Variants in RNF19B observed in about 807,000 individuals in gnomAD.
RNF19B encodes E3 ubiquitin-protein ligase RNF19B.
A neutral mutation model predicts 65.5 loss-of-function variants in RNF19B; 23 were observed. The ratio of observed to expected loss-of-function variants is 0.35; its 90% CI spans 0.25 to 0.50. RNF19B has a LOEUF of 0.50. RNF19B is among the 20% of genes least tolerant of loss of function. RNF19B has a pLI of 0.98. For missense variants in RNF19B, 794 were observed against 980.0 expected (o/e 0.81, Z 2.53); for synonymous variants, 372 against 379.6 (o/e 0.98, Z 0.23).
intron 1 of RNF19B, among the ~76,000 whole-genome samples, chr1:32,952,246 AAT>A (rs1642517969): frequency 6.6e-6 from 1 of 151,850 alleles, no homozygotes; most frequent in Admixed American, 6.6e-5. Context: ...ATTAATTCCA[AAT>A]ATGTCAATTA....
chr1:32,945,380 T>G, intron 5 of RNF19B, 134 bp downstream of exon 5: 1 of 544,288 alleles, frequency 1.8e-6, no homozygotes, highest in Non-Finnish European at 3.4e-6. Flanking sequence ...ATCATAATCA[T>G]GGTGCCTAAC....
At chr1:32,953,896 C>T (rs934657931) in intron 1 of RNF19B, among the ~76,000 whole-genome samples, 1 of 149,390 alleles carries the variant, frequency 6.7e-6, no homozygotes, top group Non-Finnish European at 1.5e-5. Context: ...CCCCAGCCCC[C>T]ACTTCTTTTT....
chr1:32,935,032 A>G (rs184074702), downstream of RNF19B, among the ~76,000 whole-genome samples: 990 of 151,580 alleles, frequency 6.5e-3, 9 homozygotes, highest in Non-Finnish European at 0.011. Context: ...GGGTTTCACC[A>G]TGTTGGCCAG....
At chr1:32,962,180 G>T (rs926778455) in intron 1 of RNF19B, among the ~76,000 whole-genome samples, 8 of 152,116 alleles carry the variant, frequency 5.3e-5, no homozygotes, top group Non-Finnish European at 8.8e-5. Flanking sequence ...TGTTGGCCAG[G>T]CTGGTCTTGA....
intron 6 of RNF19B, 42 bp downstream of exon 6, chr1:32,943,977 T>C: frequency 1.3e-6 from 2 of 1,572,614 alleles, no homozygotes; most frequent in Non-Finnish European, 1.7e-6. Context: ...TTTTATCTTG[T>C]ATATCATAAA....
intron 1 of RNF19B, among the ~76,000 whole-genome samples, chr1:32,963,803 G>A (rs1270890028): frequency 6.6e-6 from 1 of 151,588 alleles, no homozygotes; most frequent in Non-Finnish European, 1.5e-5. Flanking sequence ...GCCTCTCCCT[G>A]TCTCCTAACT....
At chr1:32,950,024 C>G (rs988755515) in intron 1 of RNF19B, among the ~76,000 whole-genome samples, 2 of 151,862 alleles carry the variant, frequency 1.3e-5, no homozygotes, top group African/African-American at 4.8e-5. Flanking sequence ...TTGTGGAGTG[C>G]AGTGGTGTAA....
intron 2 of RNF19B, 115 bp downstream of exon 2, chr1:32,949,454 C>G (rs1315183916): frequency 1.3e-6 from 1 of 759,394 alleles, no homozygotes; most frequent in African/African-American, 1.8e-5. Flanking sequence ...ATGATATTTT[C>G]TGCTCTCTGA....
chr1:32,946,418 A>G lies in RNF19B; in HGVS notation c.1130T>C (p.Val377Ala). The G allele has an allele frequency of 1.2e-6, 2 of 1,613,928 alleles. No homozygotes were observed. Among genetic ancestry groups the G allele is most frequent in the East Asian group, 4.5e-5 (2 of 44,868 alleles). ...CTTTCTTACCTTCCTTCCAACATAA[A>G]CAGGAATGCCAATGACCATGGCAGG... ...AIPAMVIGIPVYVGRKIHSRY... is the reference protein window; with the variant it reads ...AIPAMVIGIPAYVGRKIHSRY... Residue 377 changes from valine (V) to alanine (A), a missense_variant, in exon 4 of 9, where the codon GTT (valine) becomes GCT (alanine). Physicochemically the swap from Val to Ala is moderately conservative, Grantham distance 64. Coordinates refer to ENST00000235150, the MANE Select transcript of RNF19B (RefSeq NM_001300826.2).
Position 32,954,131 on chromosome 1 carries a change from G to A in RNF19B, c.636-4357C>T, listed in dbSNP as rs185751970. Among the ~76,000 whole-genome samples the A allele has an allele frequency of 1.5e-3, 222 of 150,330 alleles. 1 individual carries two copies. Among genetic ancestry groups the A allele is most frequent in the African/African-American group, 5.1e-3 (211 of 40,996 alleles). The stretch of plus-strand genomic sequence containing the variant: ...TCACCATGTTGGCCAGGCTGGTCTC[G>A]AACTCCTGGCCTTCAAGTGATCCTC... On this transcript the variant is annotated intron_variant, in intron 1 of 8. Transcript: ENST00000235150.
chr1:32,930,727 A>G, the RNF19B span, among the ~76,000 whole-genome samples: 2 of 152,120 alleles, frequency 1.3e-5, no homozygotes, highest in Non-Finnish European at 1.5e-5. Flanking sequence ...CTAATTCTAC[A>G]CTAAGGAATT....
intron 1 of RNF19B, among the ~76,000 whole-genome samples, chr1:32,957,517 G>A (rs1357584365): frequency 6.6e-6 from 1 of 152,122 alleles, no homozygotes. Flanking sequence ...CTCACCCAGG[G>A]TTCAACAGTG....
chr1:32,946,591 T>A lies in RNF19B; in HGVS notation c.984-27A>T, dbSNP rs538048289. The A allele has an allele frequency of 5.6e-6, 9 of 1,605,230 alleles. No individual in the cohort carries two copies. The East Asian group carries it at 1.8e-4, about 32-fold the overall frequency. ...TGCAGGGGAAACAGACTGAAGTTAA[T>A]GTCAACATTACAAATACAGCTAGTA... On this transcript the variant is annotated intron_variant, in intron 3 of 8. Coordinates refer to ENST00000235150, the MANE Select transcript of RNF19B (RefSeq NM_001300826.2).
chr1:32,944,642 T>G (rs1195692236), intron 5 of RNF19B, among the ~76,000 whole-genome samples: 1 of 152,118 alleles, frequency 6.6e-6, no homozygotes, highest in Non-Finnish European at 1.5e-5. Context: ...GAAGGCAGAT[T>G]AACTTGATTC....
intron 1 of RNF19B, among the ~76,000 whole-genome samples, chr1:32,955,059 A>G (rs1217013967): frequency 2.0e-5 from 3 of 152,092 alleles, no homozygotes; most frequent in African/African-American, 7.2e-5. Flanking sequence ...GTGGGTGTGC[A>G]CAATTATTTT....
chr1:32,937,747 G>GTT (rs1171969688), intron 8 of RNF19B, among the ~76,000 whole-genome samples: 4 of 151,858 alleles, frequency 2.6e-5, no homozygotes, highest in Non-Finnish European at 4.4e-5. Flanking sequence ...ATGGAGAAGA[G>GTT]TAATTAGATC....
chr1:32,957,148 G>A (rs1425114325), intron 1 of RNF19B, among the ~76,000 whole-genome samples: 4 of 152,152 alleles, frequency 2.6e-5, no homozygotes, highest in African/African-American at 7.2e-5. Flanking sequence ...CTATCAACCT[G>A]AATCCAGTCC....
intron 1 of RNF19B, among the ~76,000 whole-genome samples, chr1:32,952,667 G>A (rs185219417): frequency 4.6e-5 from 7 of 151,732 alleles, no homozygotes; most frequent in Admixed American, 1.3e-4. Context: ...GCTTGAACCC[G>A]GGAGGTGGAG....
intron 2 of RNF19B, 44 bp downstream of exon 2, chr1:32,949,525 T>C: frequency 1.9e-6 from 3 of 1,559,778 alleles, no homozygotes; most frequent in Non-Finnish European, 2.6e-6. Flanking sequence ...GCTCACATCA[T>C]GAAATACCAA....
Sources: gnomAD v4.1 joint callset for allele counts (sites outside exome capture counted in the v4.1 genomes callset) on GRCh38, gnomAD v4.1.1 for gene constraint, MANE v1.5 for transcripts, NCBI Gene and HGNC (gene_info 2026-07-23, HGNC 2026-07-21) for gene names.